The following IQCM variants were observed in gnomAD, a reference collection of about 807,000 sequenced individuals.
IQCM encodes the protein IQ motif containing M, also known as IQ domain-containing protein M.
A neutral mutation model predicts 57.6 loss-of-function variants in IQCM; 45 were observed. That is an observed-to-expected ratio of 0.78 (90% CI 0.62 to 1.00). IQCM has a LOEUF of 1.00. Among genes scored for constraint, IQCM ranks in the 50% least tolerant of loss-of-function variants. The pLI, the probability that IQCM is intolerant of heterozygous loss-of-function variation, is 0.00. For missense variants in IQCM, 468 were observed against 511.6 expected (o/e 0.91, Z 0.82); for synonymous variants, 148 against 158.9 (o/e 0.93, Z 0.51).
intron 12 of IQCM, among the ~76,000 whole-genome samples, chr4:149,488,840 G>T (rs1741796438): frequency 6.6e-6 from 1 of 152,110 alleles, no homozygotes; most frequent in Admixed American, 6.6e-5. Context: ...ATCTCAAAAG[G>T]TAACATCAGC....
At chr4:149,513,447 T>C (rs1156708713) in intron 12 of IQCM, among the ~76,000 whole-genome samples, 2 of 152,182 alleles carry the variant, frequency 1.3e-5, no homozygotes, top group Non-Finnish European at 2.9e-5. Flanking sequence ...AAGGACCACA[T>C]TTATCCATTT....
intron 12 of IQCM, among the ~76,000 whole-genome samples, chr4:149,451,633 T>C (rs1051016353): frequency 6.6e-6 from 1 of 151,798 alleles, no homozygotes; most frequent in African/African-American, 2.4e-5. Context: ...AAATTCATCA[T>C]GTTATTTAAC....
chr4:149,659,757 C>T (rs1367003907), intron 7 of IQCM, among the ~76,000 whole-genome samples: 1 of 151,954 alleles, frequency 6.6e-6, no homozygotes, highest in Non-Finnish European at 1.5e-5. Flanking sequence ...ATAAATGGTG[C>T]TGGGAAAACT....
chr4:149,658,357 C>T (rs1759821773), intron 7 of IQCM, among the ~76,000 whole-genome samples: 3 of 151,642 alleles, frequency 2.0e-5, no homozygotes, highest in African/African-American at 7.3e-5. Context: ...TTCCCTTGGT[C>T]TATGTGTTTG....
chr4:149,417,949 A>C (rs1242264492), intron 13 of IQCM, among the ~76,000 whole-genome samples: 1 of 151,594 alleles, frequency 6.6e-6, no homozygotes, highest in Non-Finnish European at 1.5e-5. Flanking sequence ...TCTTGAGCCT[A>C]GCAAATGCTA....
chr4:149,688,274 T>TAC (rs1762692323), intron 5 of IQCM, among the ~76,000 whole-genome samples: 1 of 152,028 alleles, frequency 6.6e-6, no homozygotes, highest in Admixed American at 6.6e-5. Flanking sequence ...AAGATTAATG[T>TAC]ACACAAATCA....
intron 10 of IQCM, among the ~76,000 whole-genome samples, chr4:149,561,449 T>C (rs1750113162): frequency 6.6e-6 from 1 of 152,130 alleles, no homozygotes; most frequent in Admixed American, 6.6e-5. Flanking sequence ...CATGATAAAC[T>C]TCTACAATTA....
intron 7 of IQCM, among the ~76,000 whole-genome samples, chr4:149,647,972 T>C (rs1485762078): frequency 6.6e-6 from 1 of 152,200 alleles, no homozygotes; most frequent in Non-Finnish European, 1.5e-5. Flanking sequence ...TTCTGGATAA[T>C]TCATTCCACT....
In IQCM at chr4:149,733,421, T is replaced by G. The variant is rs565157282; in HGVS notation, c.208A>C (p.Lys70Gln). ...SGKYIPLEID[K>Q]KVTRDVVQEH... The stretch of plus-strand genomic sequence containing the variant: ...TGCACCACATCACGTGTTACCTTTT[T>G]GTCAATCTCCAAAGGTATGTATTTG... The change falls in exon 5 of 14, where the codon AAA (lysine) becomes CAA (glutamine). Residue 70 changes from lysine (K) to glutamine (Q), a missense_variant. Coordinates refer to ENST00000636793, the MANE Select transcript of IQCM (RefSeq NM_001363507.2). The G allele has an allele frequency of 1.6e-6, 2 of 1,231,858 alleles. No individual in the cohort carries two copies. The highest frequency in any genetic ancestry group is 1.0e-6 in the Non-Finnish European group (1 of 987,736). The allele number at this position is 1,231,858 out of a possible 1,614,324, so 76.3% of individuals were successfully genotyped here. A position where few individuals can be genotyped will look rare whatever the true frequency, so the allele number is the denominator to read the frequency against.
intron 12 of IQCM, among the ~76,000 whole-genome samples, chr4:149,526,939 T>C (rs976692478): frequency 1.3e-5 from 2 of 152,152 alleles, no homozygotes; most frequent in African/African-American, 4.8e-5. Flanking sequence ...CCATTATTTA[T>C]TTTTATAGCC....
At chr4:149,689,940 G>A (rs888374218) in intron 5 of IQCM, among the ~76,000 whole-genome samples, 3 of 152,052 alleles carry the variant, frequency 2.0e-5, no homozygotes, top group African/African-American at 7.2e-5. Flanking sequence ...CAGTGATCAG[G>A]GAACACTTCT....
intron 12 of IQCM, among the ~76,000 whole-genome samples, chr4:149,472,255 TAAAC>T (rs1005499439): frequency 6.6e-5 from 10 of 152,148 alleles, no homozygotes; most frequent in African/African-American, 2.4e-4. Context: ...CTTAAGCTGA[TAAAC>T]AACTTCAGCA....
At chr4:149,686,326 G>T in intron 6 of IQCM, 52 bp downstream of exon 6, 2 of 878,422 alleles carry the variant, frequency 2.3e-6, no homozygotes, top group East Asian at 3.4e-5. Context: ...GGGAATATTG[G>T]CAAAGTAGAA....
intron 2 of IQCM, among the ~76,000 whole-genome samples, chr4:149,761,744 T>C (rs889388687): frequency 6.6e-6 from 1 of 152,174 alleles, no homozygotes. Flanking sequence ...TGCAAAACAA[T>C]TGATATAGCA....
At chr4:149,671,637 A>C (rs1056735602) in intron 7 of IQCM, among the ~76,000 whole-genome samples, 1 of 152,160 alleles carries the variant, frequency 6.6e-6, no homozygotes, top group Admixed American at 6.6e-5. Context: ...TTCCCTCTAC[A>C]CACTGCTTTA....
chr4:149,526,327 C>T (rs761225366), intron 12 of IQCM, among the ~76,000 whole-genome samples: 68 of 151,760 alleles, frequency 4.5e-4, no homozygotes, highest in African/African-American at 1.4e-3. Flanking sequence ...GACATTGAAA[C>T]GGGTTAGAAG....
intron 12 of IQCM, among the ~76,000 whole-genome samples, chr4:149,522,058 C>T (rs902318449): frequency 6.6e-6 from 1 of 152,196 alleles, no homozygotes; most frequent in Non-Finnish European, 1.5e-5. Flanking sequence ...ATGCTAGTCT[C>T]CCTCTCACTG....
intron 10 of IQCM, among the ~76,000 whole-genome samples, chr4:149,562,626 G>C (rs1486890987): frequency 6.6e-6 from 1 of 152,052 alleles, no homozygotes; most frequent in Non-Finnish European, 1.5e-5. Flanking sequence ...CAAATAATTT[G>C]CTTCATTTTT....
At chr4:149,396,491 T>A (rs1055005325) in intron 13 of IQCM, among the ~76,000 whole-genome samples, 19 of 152,086 alleles carry the variant, frequency 1.2e-4, no homozygotes, top group African/African-American at 4.6e-4. Context: ...TCTTGTTTTG[T>A]TTGCTTAATA....
Sources: gnomAD v4.1 joint callset for allele counts (sites outside exome capture counted in the v4.1 genomes callset) on GRCh38, gnomAD v4.1.1 for gene constraint, MANE v1.5 for transcripts, NCBI Gene and HGNC (gene_info 2026-07-23, HGNC 2026-07-21) for gene names.